RNF115: variants seen among roughly 807,000 people sequenced by gnomAD.
RNF115 encodes E3 ubiquitin-protein ligase RNF115.
In RNF115, 31 loss-of-function variants were observed where a neutral mutation model predicts 39.2. That is an observed-to-expected ratio of 0.79 (90% confidence interval 0.59 to 1.07). The LOEUF (loss-of-function observed/expected upper bound fraction) is 1.07. RNF115 is among the 50% of genes least tolerant of loss of function. The pLI, the probability that RNF115 is intolerant of heterozygous loss-of-function variation, is 0.00. For missense variants in RNF115, 384 were observed against 381.7 expected (o/e 1.01, Z -0.05); for synonymous variants, 124 against 131.0 (o/e 0.95, Z 0.37).
Position 145,764,942 on chromosome 1 carries a change from C to T in RNF115, c.428+6769G>A, listed in dbSNP as rs1161191425. ...GGTGTACCCAACAGCTCATTGAGAACGGGCCATGATGACGATGGCGGTTTT... is the reference window on the plus strand; with the variant it reads ...GGTGTACCCAACAGCTCATTGAGAATGGGCCATGATGACGATGGCGGTTTT... On this transcript the variant is annotated intron_variant, in intron 4 of 8. Transcript: ENST00000582693. 3.3e-5 allele frequency among the ~76,000 whole-genome samples: 5 copies of T among 152,298 alleles called. No homozygotes were observed. The East Asian group carries it at 9.6e-4, about 29-fold the overall frequency.
At position 145,750,480 on chromosome 1, in the gene RNF115, G is replaced by A. The variant is rs1553712325; in HGVS notation, c.594C>T (p.Asn198=). Residue 198 remains asparagine (N), a synonymous_variant, in exon 7 of 9, where the codon AAC becomes AAT. Coordinates refer to ENST00000582693, the MANE Select transcript of RNF115 (RefSeq NM_014455.4). ...IVTQLLGQLE[N]TGPPPADKEK... ...CCTTGTCAGCTGGGGGAGGGCCTGT[G>A]TTTTCCAGTTGTCCTAAAAGCTACA... 3 of 1,613,876 alleles carry A rather than the reference G, an allele frequency of 1.9e-6. No homozygotes were observed. Among genetic ancestry groups the A allele is most frequent in the Non-Finnish European group, 2.5e-6 (3 of 1,179,812 alleles).
chr1:145,809,488 AT>A (rs781918386), intron 1 of RNF115, among the ~76,000 whole-genome samples: 57 of 46,340 alleles, frequency 1.2e-3, no homozygotes, highest in Non-Finnish European at 1.5e-3. Flanking sequence ...GACCCAGCTA[AT>A]TTTTTTTTTT....
At chr1:145,774,752 T>C (rs1647800206) in intron 3 of RNF115, among the ~76,000 whole-genome samples, 1 of 152,236 alleles carries the variant, frequency 6.6e-6, no homozygotes, top group Non-Finnish European at 1.5e-5. Flanking sequence ...ATCTCTATTC[T>C]TTCTCTTTTA....
intron 7 of RNF115, 54 bp downstream of exon 7, chr1:145,750,352 CG>C: frequency 7.3e-7 from 1 of 1,363,816 alleles, no homozygotes; most frequent in Non-Finnish European, 1.0e-6. Context: ...CAGAAGATAC[CG>C]GGATTTTGAA....
At chr1:145,762,899 T>C (rs138818479) in intron 4 of RNF115, among the ~76,000 whole-genome samples, 370 of 152,256 alleles carry the variant, frequency 2.4e-3, no homozygotes, top group African/African-American at 8.4e-3. Flanking sequence ...CTAAGCAACT[T>C]AACACAGAAA....
intron 1 of RNF115, among the ~76,000 whole-genome samples, chr1:145,795,698 CA>C (rs1648946474): frequency 6.6e-6 from 1 of 152,172 alleles, no homozygotes; most frequent in African/African-American, 2.4e-5. Context: ...AGATATAAAT[CA>C]AACTGTAGAA....
At chr1:145,760,327 G>A (rs1264126311) in intron 4 of RNF115, among the ~76,000 whole-genome samples, 2 of 152,156 alleles carry the variant, frequency 1.3e-5, no homozygotes, top group South Asian at 4.1e-4. Flanking sequence ...AAGCTGAGAT[G>A]GGAAGATCAC....
chr1:145,767,072 GA>G lies in RNF115; in HGVS notation c.428+4638del, dbSNP rs1429119957. On this transcript the variant is annotated intron_variant, in intron 4 of 8. Transcript: ENST00000582693. Reference sequence around the variant, plus strand: ...GGGGCGGCTGGCAGGGCAGGGGGCTGACCCCCCCACCTCCTTCCCGGACGGG... The same window carrying G: ...GGGGCGGCTGGCAGGGCAGGGGGCTGCCCCCCCACCTCCTTCCCGGACGGG... Among the ~76,000 whole-genome samples, 4 of 146,348 alleles carry G rather than the reference GA, an allele frequency of 2.7e-5. No homozygotes were observed. The East Asian group carries it at 8.6e-4, about 31-fold the overall frequency.
At chr1:145,765,700 T>C (rs919734234) in intron 4 of RNF115, among the ~76,000 whole-genome samples, 4 of 152,272 alleles carry the variant, frequency 2.6e-5, no homozygotes, top group African/African-American at 4.8e-5. Flanking sequence ...GCACTTAAAG[T>C]CAGATAAGAT....
At chr1:145,786,982 C>G in intron 2 of RNF115, 1 of 986,574 alleles carries the variant, frequency 1.0e-6, no homozygotes, top group Non-Finnish European at 1.4e-6. Flanking sequence ...AATCACCAAT[C>G]ATTAGTAAAG....
intron 1 of RNF115, among the ~76,000 whole-genome samples, chr1:145,797,080 T>C (rs879995106): frequency 1.1e-4 from 17 of 152,298 alleles, no homozygotes; most frequent in Middle Eastern, 3.4e-3. Context: ...ATCTAAACAA[T>C]GAAACCTCAA....
At chr1:145,785,941 A>G (rs1376372044) in intron 2 of RNF115, among the ~76,000 whole-genome samples, 1 of 152,204 alleles carries the variant, frequency 6.6e-6, no homozygotes, top group Non-Finnish European at 1.5e-5. Context: ...ACCACATACC[A>G]TAAAAAACTA....
intron 3 of RNF115, among the ~76,000 whole-genome samples, chr1:145,784,262 A>G (rs921880548): frequency 5.9e-5 from 9 of 152,250 alleles, no homozygotes; most frequent in African/African-American, 2.2e-4. Context: ...CTGTATATAC[A>G]ATAACAAAGT....
At position 145,741,294 on chromosome 1, in the gene RNF115, AGT is replaced by A. The variant is rs1294110383; in HGVS notation, c.*5570_*5571del. ...CTACACTTCTGTGGACACCAAGTGTAGTGTGGCAGGAAAACATAAAGTTTGCA... is the reference window on the plus strand; with the variant it reads ...CTACACTTCTGTGGACACCAAGTGTAGTGGCAGGAAAACATAAAGTTTGCA... On this transcript the variant is annotated 3_prime_UTR_variant, in exon 9 of 9. Coordinates refer to ENST00000582693, the MANE Select transcript of RNF115 (RefSeq NM_014455.4). The A allele has an allele frequency of 6.6e-5, 10 of 152,248 alleles. No homozygotes were observed. Among genetic ancestry groups the A allele is most frequent in the African/African-American group, 2.2e-4 (9 of 41,462 alleles). The allele number at this position is 152,248 out of a possible 1,614,324, so 9.4% of individuals were successfully genotyped here.
At chr1:145,766,513 A>G (rs1303688921) in intron 4 of RNF115, among the ~76,000 whole-genome samples, 1 of 149,230 alleles carries the variant, frequency 6.7e-6, no homozygotes, top group Non-Finnish European at 1.5e-5. Flanking sequence ...TGTTGAGTAC[A>G]CCTCCCAGAC....
At chr1:145,767,106 G>T (rs1270359121) in intron 4 of RNF115, among the ~76,000 whole-genome samples, 2 of 149,268 alleles carry the variant, frequency 1.3e-5, no homozygotes, top group Non-Finnish European at 1.5e-5. Context: ...GGGGCGGCTG[G>T]CCCGGCAGAG....
In RNF115 at chr1:145,765,513, T is replaced by G. The variant is rs1032474149; in HGVS notation, c.428+6198A>C. 3.3e-5 allele frequency among the ~76,000 whole-genome samples: 5 copies of G among 152,244 alleles called. No homozygotes were observed. The East Asian group carries it at 7.7e-4, about 23-fold the overall frequency. ...TGGATGGAATTTCTCTTAAAGATCA[T>G]GCAATTTCCTTGCTGATTCTATATG... On this transcript the variant is annotated intron_variant, in intron 4 of 8. Coordinates refer to ENST00000582693, the MANE Select transcript of RNF115 (RefSeq NM_014455.4).
intron 1 of RNF115, among the ~76,000 whole-genome samples, chr1:145,804,091 T>C (rs1649364428): frequency 1.3e-5 from 2 of 152,234 alleles, no homozygotes; most frequent in Non-Finnish European, 2.9e-5. Context: ...AAGTAAAATG[T>C]ACTTTCTTGC....
At chr1:145,767,075 C>A (rs1178423213) in intron 4 of RNF115, among the ~76,000 whole-genome samples, 1 of 148,606 alleles carries the variant, frequency 6.7e-6, no homozygotes, top group African/African-American at 2.5e-5. Flanking sequence ...GGGGGCTGAC[C>A]CCCCCACCTC....
Sources: allele counts gnomAD v4.1 joint callset (sites outside exome capture counted in the v4.1 genomes callset), GRCh38; gene constraint gnomAD v4.1.1; transcripts MANE v1.5; gene names NCBI Gene and HGNC (gene_info 2026-07-23, HGNC 2026-07-21).